Variants in MEF2A observed in about 807,000 individuals in gnomAD.
MEF2A encodes the protein myocyte-specific enhancer factor 2A.
In MEF2A, 28 loss-of-function variants were observed where a neutral mutation model predicts 55.8. That is an observed-to-expected ratio of 0.50 (90% confidence interval 0.37 to 0.69). The LOEUF is 0.69. Among genes scored for constraint, MEF2A ranks in the 30% least tolerant of loss-of-function variants. MEF2A has a pLI of 0.00. For missense variants in MEF2A, 528 were observed against 626.2 expected (o/e 0.84, Z 1.67); for synonymous variants, 239 against 227.1 (o/e 1.05, Z -0.47).
chr15:99,626,431 AT>A (rs1015286934), intron 2 of MEF2A, among the ~76,000 whole-genome samples: 3 of 147,292 alleles, frequency 2.0e-5, no homozygotes, highest in East Asian at 2.0e-4. Flanking sequence ...GGCTTCGTTG[AT>A]TTTTTTTTTC....
chr15:99,675,506 A>C, intron 7 of MEF2A, 48 bp downstream of exon 7: 1 of 1,462,918 alleles, frequency 6.8e-7, no homozygotes, highest in Non-Finnish European at 9.5e-7. Flanking sequence ...ATCCTATATG[A>C]GATCAAAGGA....
intron 2 of MEF2A, among the ~76,000 whole-genome samples, chr15:99,628,963 A>ATTTTTTTTT (rs71149483): frequency 6.0e-5 from 8 of 133,768 alleles, no homozygotes; most frequent in East Asian, 2.1e-4. Flanking sequence ...TTTCAGAAGG[A>ATTTTTTTTT]TTTTTTTTTT....
At chr15:99,592,039 C>CTGGATTT (rs1969471012) in intron 1 of MEF2A, among the ~76,000 whole-genome samples, 1 of 152,140 alleles carries the variant, frequency 6.6e-6, no homozygotes. Flanking sequence ...ATTCATCACA[C>CTGGATTT]TGTTGTCTGG....
At chr15:99,604,221 C>A (rs761844691) in intron 2 of MEF2A, among the ~76,000 whole-genome samples, 3 of 152,162 alleles carry the variant, frequency 2.0e-5, no homozygotes, top group Non-Finnish European at 4.4e-5. Flanking sequence ...TGTTTCACCA[C>A]TATTTCTTCA....
chr15:99,636,057 A>G (rs1273329623), intron 3 of MEF2A, among the ~76,000 whole-genome samples: 1 of 152,164 alleles, frequency 6.6e-6, no homozygotes, highest in Non-Finnish European at 1.5e-5. Flanking sequence ...GTCTTGAGCA[A>G]TACTGGGTAC....
At chr15:99,641,969 G>GTT (rs1228781863) in intron 3 of MEF2A, among the ~76,000 whole-genome samples, 2 of 151,854 alleles carry the variant, frequency 1.3e-5, no homozygotes, top group Non-Finnish European at 2.9e-5. Context: ...CAGATGACTG[G>GTT]TTTTTTTTGT....
intron 4 of MEF2A, among the ~76,000 whole-genome samples, chr15:99,655,018 C>T (rs1240269803): frequency 1.3e-5 from 2 of 152,136 alleles, no homozygotes; most frequent in African/African-American, 4.8e-5. Context: ...GTTTAAATCG[C>T]TTGCCTCTCC....
intron 1 of MEF2A, among the ~76,000 whole-genome samples, chr15:99,581,557 T>A (rs1259231011): frequency 1.3e-5 from 2 of 152,156 alleles, no homozygotes; most frequent in Non-Finnish European, 1.5e-5. Context: ...TGAATATGGA[T>A]CATCCCCATA....
chr15:99,711,890 G>C (rs1051770006), intron 11 of MEF2A, among the ~76,000 whole-genome samples: 11 of 152,228 alleles, frequency 7.2e-5, no homozygotes, highest in African/African-American at 2.7e-4. Context: ...GGAACAGCCT[G>C]TTTGCGTCCT....
intron 2 of MEF2A, among the ~76,000 whole-genome samples, chr15:99,601,845 G>T (rs1344285730): frequency 7.6e-6 from 1 of 131,872 alleles, no homozygotes; most frequent in Non-Finnish European, 1.6e-5. Flanking sequence ...GTGTGTGTGT[G>T]TGTGTGTGTG....
Position 99,714,612 on chromosome 15 carries a change from C to G in MEF2A, c.*1841C>G, listed in dbSNP as rs1433396035. 2.0e-5 allele frequency: 3 copies of G among 152,154 alleles called. No homozygotes were observed. The highest frequency in any genetic ancestry group is 7.2e-5 in the African/African-American group (3 of 41,436). The allele number at this position is 152,154 out of a possible 1,614,324, so 9.4% of individuals were successfully genotyped here. A position where few individuals can be genotyped will look rare whatever the true frequency, so the allele number is the denominator to read the frequency against. On this transcript the variant is annotated 3_prime_UTR_variant, in exon 12 of 12. Transcript: ENST00000557942. ...AGGCCTTATTCTTTCAGGAAGACAA[C>G]TAATGGATGATAGCAAGTTCATCCA...
In MEF2A at chr15:99,712,973, C is replaced by A. The variant is rs1417706416; in HGVS notation, c.*202C>A. On this transcript the variant is annotated 3_prime_UTR_variant, in exon 12 of 12. Coordinates refer to ENST00000557942, the MANE Select transcript of MEF2A (RefSeq NM_001319206.4). The surrounding 1 kb of genome is among the most constrained non-coding windows in gnomAD (Gnocchi z 4.1). ...AGAATCAGGCACTTACCTGCAAACT[C>A]CTTGTAGGTCTGCAGATGTGTGTCC... 1 of 620,794 alleles carries A rather than the reference C, an allele frequency of 1.6e-6. No individual in the cohort carries two copies. The highest frequency in any genetic ancestry group is 2.7e-6 in the Non-Finnish European group (1 of 364,970). 38.5% of individuals were successfully genotyped at this position (620,794 alleles called of 1,614,324 possible).
At chr15:99,691,710 AG>A (rs199917155) in intron 8 of MEF2A, among the ~76,000 whole-genome samples, 6 of 152,132 alleles carry the variant, frequency 3.9e-5, no homozygotes, top group East Asian at 1.9e-4. Context: ...GAAAAAAAAA[AG>A]AAAAAATTCT....
At chr15:99,709,695 A>AC (rs1270008630) in intron 10 of MEF2A, among the ~76,000 whole-genome samples, 3 of 152,260 alleles carry the variant, frequency 2.0e-5, no homozygotes, top group Non-Finnish European at 4.4e-5. Flanking sequence ...AGTGAGAAAG[A>AC]CAAGTGTTAA....
intron 2 of MEF2A, among the ~76,000 whole-genome samples, chr15:99,631,500 C>A (rs772948965): frequency 3.9e-5 from 6 of 152,144 alleles, no homozygotes; most frequent in Non-Finnish European, 8.8e-5. Context: ...TGAGACACAT[C>A]CTCAGGGGAG....
chr15:99,651,508 A>G (rs530572911), intron 4 of MEF2A, among the ~76,000 whole-genome samples: 9 of 152,148 alleles, frequency 5.9e-5, no homozygotes, highest in Non-Finnish European at 1.2e-4. Flanking sequence ...ATAATGAGAC[A>G]TCTGAAGACA....
chr15:99,659,161 G>A (rs960195745), intron 4 of MEF2A, among the ~76,000 whole-genome samples: 1 of 152,094 alleles, frequency 6.6e-6, no homozygotes, highest in Non-Finnish European at 1.5e-5. Context: ...ATTCATTTAC[G>A]TGTGGAGATC....
intron 4 of MEF2A, among the ~76,000 whole-genome samples, chr15:99,666,266 AG>A (rs1230654055): frequency 2.6e-5 from 4 of 152,212 alleles, no homozygotes; most frequent in African/African-American, 9.6e-5. Context: ...CATAAAAAAA[AG>A]AATGAGTTCA....
intron 3 of MEF2A, among the ~76,000 whole-genome samples, chr15:99,634,284 C>A (rs755991092): frequency 3.1e-4 from 47 of 152,020 alleles, no homozygotes; most frequent in African/African-American, 1.1e-3. Flanking sequence ...AAGAGGAGGC[C>A]CTGGTTTCAA....
Sources: gnomAD v4.1 joint callset for allele counts (sites outside exome capture counted in the v4.1 genomes callset) on GRCh38, gnomAD v4.1.1 for gene constraint, Gnocchi (gnomAD v3.1) non-coding constraint, MANE v1.5 for transcripts, NCBI Gene and HGNC (gene_info 2026-07-23, HGNC 2026-07-21) for gene names.